The following AKAP6 variants were observed in gnomAD, a reference collection of about 807,000 sequenced individuals.
AKAP6 encodes the protein A-kinase anchoring protein 6.
AKAP6 carries 58 observed loss-of-function variants against 188.5 expected under a neutral mutation model. That is an observed-to-expected ratio of 0.31 (90% CI 0.25 to 0.38). The LOEUF (loss-of-function observed/expected upper bound fraction) is 0.38. Ranked by LOEUF, AKAP6 falls within the 10% of genes least tolerant of loss-of-function variation. The pLI is 1.00. For missense variants in AKAP6, 2,710 were observed against 2,740.0 expected (o/e 0.99, Z 0.24); for synonymous variants, 989 against 998.6 (o/e 0.99, Z 0.18).
At chr14:32,793,878 C>T (rs1215050290) in intron 12 of AKAP6, among the ~76,000 whole-genome samples, 2 of 152,098 alleles carry the variant, frequency 1.3e-5, no homozygotes, top group African/African-American at 4.8e-5. Context: ...TACAAAGAGA[C>T]TCAAACTCCC....
At chr14:32,539,431 C>G (rs1882823122) in intron 3 of AKAP6, among the ~76,000 whole-genome samples, 1 of 152,040 alleles carries the variant, frequency 6.6e-6, no homozygotes, top group Non-Finnish European at 1.5e-5. Flanking sequence ...AAAGTATGTG[C>G]TATATTTTGA....
intron 7 of AKAP6, among the ~76,000 whole-genome samples, chr14:32,605,312 A>G (rs2139365531): frequency 6.6e-6 from 1 of 152,320 alleles, no homozygotes; most frequent in South Asian, 2.1e-4. Context: ...AATGAAAGGT[A>G]GACAGGATTT....
chr14:32,372,724 A>T (rs138494151), intron 1 of AKAP6, among the ~76,000 whole-genome samples: 161 of 152,044 alleles, frequency 1.1e-3, no homozygotes, highest in African/African-American at 3.8e-3. Flanking sequence ...TTACCTTGGA[A>T]GAATGAATGG....
chr14:32,532,337 C>T (rs902859547), intron 2 of AKAP6, among the ~76,000 whole-genome samples: 7 of 152,100 alleles, frequency 4.6e-5, no homozygotes, highest in African/African-American at 1.7e-4. Flanking sequence ...CTTAGGGGTC[C>T]ATCTGCTTCT....
intron 1 of AKAP6, among the ~76,000 whole-genome samples, chr14:32,364,691 G>T (rs972761398): frequency 3.9e-5 from 6 of 151,966 alleles, no homozygotes; most frequent in Non-Finnish European, 7.4e-5. Flanking sequence ...AAGGAAAGGA[G>T]ATATGATTTT....
intron 1 of AKAP6, among the ~76,000 whole-genome samples, chr14:32,350,822 A>C (rs1887240098): frequency 6.6e-6 from 1 of 152,134 alleles, no homozygotes; most frequent in Admixed American, 6.6e-5. Flanking sequence ...ATACAGATTT[A>C]TTTTTTAAAA....
intron 3 of AKAP6, among the ~76,000 whole-genome samples, chr14:32,542,015 G>A (rs1331277106): frequency 6.6e-6 from 1 of 152,130 alleles, no homozygotes; most frequent in East Asian, 1.9e-4. Context: ...AACGTAATAA[G>A]AGTGAACATT....
chr14:32,469,389 A>T (rs1412084403), intron 2 of AKAP6, among the ~76,000 whole-genome samples: 3 of 152,214 alleles, frequency 2.0e-5, no homozygotes, highest in African/African-American at 7.2e-5. Context: ...ATTTAAAAAA[A>T]GTTAGATTAT....
intron 1 of AKAP6, among the ~76,000 whole-genome samples, chr14:32,396,004 C>T (rs1202511806): frequency 6.6e-6 from 1 of 151,940 alleles, no homozygotes; most frequent in Non-Finnish European, 1.5e-5. Flanking sequence ...TTCTAGGATA[C>T]ATTATTTGTG....
chr14:32,400,311 A>C (rs576682885), intron 1 of AKAP6, among the ~76,000 whole-genome samples: 4 of 151,478 alleles, frequency 2.6e-5, no homozygotes, highest in African/African-American at 9.7e-5. Flanking sequence ...TCTCAGTTTT[A>C]TCACCCTACC....
intron 12 of AKAP6, chr14:32,774,104 ACT>A: frequency 1.7e-6 from 1 of 575,926 alleles, no homozygotes. Flanking sequence ...TTGTCATAAC[ACT>A]GACATTTATT....
chr14:32,545,809 C>T lies in AKAP6; in HGVS notation c.1156C>T (p.Gln386Ter). 6.2e-7 allele frequency: 1 copy of T among 1,614,214 alleles called. No individual in the cohort carries two copies. The highest frequency in any genetic ancestry group is 8.5e-7 in the Non-Finnish European group (1 of 1,180,040). Reference sequence around the variant, plus strand: ...TAATTATAACGAGGACTCTCCCACGCAGCCTACATTGCCAAAAAGAGGACT... The same window carrying T: ...TAATTATAACGAGGACTCTCCCACGTAGCCTACATTGCCAAAAAGAGGACT... ...CFNYNEDSPT[Q>*]PTLPKRGLFL... The change falls in exon 4 of 14, where the codon CAG (glutamine) becomes TAG (stop). Residue 386 changes from glutamine (Q) to a stop codon, truncating the protein, a stop_gained. Transcript: ENST00000280979. LOFTEE classifies it high-confidence loss of function.
rs565081249 is a variant in AKAP6 at position 32,709,629 on chromosome 14, C to T, written c.3000+13519C>T. On this transcript the variant is annotated intron_variant, in intron 9 of 13. Transcript: ENST00000280979. Reference sequence around the variant, plus strand: ...TTTCAAGGATTGTTTTTATCCATTCCATATAGGAGAGAATTTGTCCTCCAT... The same window carrying T: ...TTTCAAGGATTGTTTTTATCCATTCTATATAGGAGAGAATTTGTCCTCCAT... Among the ~76,000 whole-genome samples, 4 of 152,088 alleles carry T rather than the reference C, an allele frequency of 2.6e-5. No individual in the cohort carries two copies. In the East Asian group the frequency reaches 7.7e-4, roughly 29 times the overall value.
chr14:32,412,705 T>C (rs1889527409), intron 1 of AKAP6, among the ~76,000 whole-genome samples: 1 of 152,208 alleles, frequency 6.6e-6, no homozygotes, highest in African/African-American at 2.4e-5. Context: ...GAGCTTCTAA[T>C]AGTTACACTC....
At chr14:32,815,075 T>G (rs1389578178) in intron 12 of AKAP6, among the ~76,000 whole-genome samples, 2 of 152,230 alleles carry the variant, frequency 1.3e-5, no homozygotes, top group Non-Finnish European at 2.9e-5. Flanking sequence ...ACAAAGGCAA[T>G]TTTTACTGTT....
At position 32,485,383 on chromosome 14, in the gene AKAP6, G is replaced by A. The variant is rs958435093; in HGVS notation, c.325-50171G>A. 3.9e-5 allele frequency among the ~76,000 whole-genome samples: 6 copies of A among 152,072 alleles called. No homozygotes were observed. In the South Asian group the frequency reaches 8.3e-4, roughly 21 times the overall value. ...TCTGGTTCTAGATCCTTGAGGAATCGCCACACTGTCTTCCACAATGGTTGA... is the reference window on the plus strand; with the variant it reads ...TCTGGTTCTAGATCCTTGAGGAATCACCACACTGTCTTCCACAATGGTTGA... On this transcript the variant is annotated intron_variant, in intron 2 of 13. Coordinates refer to ENST00000280979, the MANE Select transcript of AKAP6 (RefSeq NM_004274.5).
chr14:32,825,849 T>A (rs1425552468), intron 13 of AKAP6, among the ~76,000 whole-genome samples: 1 of 152,192 alleles, frequency 6.6e-6, no homozygotes, highest in East Asian at 1.9e-4. Flanking sequence ...CTACCCTAAT[T>A]TGTTAACTTA....
intron 7 of AKAP6, among the ~76,000 whole-genome samples, chr14:32,660,957 T>A (rs1467380165): frequency 7.9e-6 from 1 of 125,910 alleles, no homozygotes; most frequent in African/African-American, 2.9e-5. Flanking sequence ...CCATTTGTCC[T>A]TGTGTGTCTA....
At chr14:32,569,429 T>C (rs1884363166) in intron 4 of AKAP6, among the ~76,000 whole-genome samples, 1 of 152,224 alleles carries the variant, frequency 6.6e-6, no homozygotes, top group Non-Finnish European at 1.5e-5. Context: ...CAATTACTCG[T>C]ACTGTGTTGG....
Sources: allele counts gnomAD v4.1 joint callset (sites outside exome capture counted in the v4.1 genomes callset), GRCh38; gene constraint gnomAD v4.1.1; transcripts MANE v1.5; gene names NCBI Gene and HGNC (gene_info 2026-07-23, HGNC 2026-07-21).